BRF1: variants seen among roughly 807,000 people sequenced by gnomAD.
The protein encoded by BRF1 is transcription factor IIIB 90 kDa subunit.
BRF1 carries 59 observed loss-of-function variants against 81.7 expected under a neutral mutation model. The observed-to-expected ratio is 0.72, with a 90% CI of 0.59 to 0.90. The LOEUF is 0.90. Ranked by LOEUF, BRF1 falls within the 40% of genes least tolerant of loss-of-function variation. The probability of loss-of-function intolerance (pLI) is 0.00; values close to 1 mark genes in which losing one functional copy is unlikely to be tolerated. For synonymous variants in BRF1, 491 were observed against 395.6 expected (o/e 1.24, Z -2.86); for missense variants, 1,050 against 936.3 (o/e 1.12, Z -1.58).
chr14:105,215,170 C>T (rs1459415484), intron 15 of BRF1, among the ~76,000 whole-genome samples: 2 of 152,196 alleles, frequency 1.3e-5, no homozygotes, highest in Non-Finnish European at 2.9e-5. Flanking sequence ...TGCACACAGA[C>T]TCACAGATGC....
chr14:105,216,072 ACATG>A (rs1444730202), intron 15 of BRF1, among the ~76,000 whole-genome samples: 1 of 151,788 alleles, frequency 6.6e-6, no homozygotes, highest in Non-Finnish European at 1.5e-5. Context: ...ACACACACAC[ACATG>A]CACACAAATA....
chr14:105,242,332 A>C (rs1024314068), intron 5 of BRF1: 2 of 152,212 alleles, frequency 1.3e-5, no homozygotes, highest in African/African-American at 4.8e-5. Flanking sequence ...GGCTGCTAAA[A>C]TAGATATTAT....
chr14:105,263,492 C>T (rs1008424941), intron 3 of BRF1, among the ~76,000 whole-genome samples: 4 of 152,114 alleles, frequency 2.6e-5, no homozygotes, highest in Admixed American at 6.5e-5. Context: ...GCAAAAGAGC[C>T]GAGCAGGAAG....
At chr14:105,300,276 A>G (rs998766741) in intron 1 of BRF1, among the ~76,000 whole-genome samples, 170 bp downstream of exon 1, 3 of 151,992 alleles carry the variant, frequency 2.0e-5, no homozygotes, top group Non-Finnish European at 4.4e-5. Context: ...CGCGCGAAGA[A>G]GGTCTACATT....
At chr14:105,307,480 T>C (rs1381806685) in intron 1 of BRF1, among the ~76,000 whole-genome samples, 1 of 152,054 alleles carries the variant, frequency 6.6e-6, no homozygotes, top group Non-Finnish European at 1.5e-5. Flanking sequence ...TGGCCCTGGG[T>C]GCTTCCCCAC....
intron 1 of BRF1, among the ~76,000 whole-genome samples, chr14:105,297,888 TG>T (rs1291325098): frequency 6.6e-6 from 1 of 151,928 alleles, no homozygotes; most frequent in Non-Finnish European, 1.5e-5. Context: ...CCCAGCTACT[TG>T]GGAGGCTGAG....
At chr14:105,215,942 C>T (rs587696469) in intron 15 of BRF1, among the ~76,000 whole-genome samples, 3 of 138,102 alleles carry the variant, frequency 2.2e-5, no homozygotes, top group African/African-American at 8.1e-5. Flanking sequence ...ACACTGCATA[C>T]ACAGACACAG....
chr14:105,259,124 T>C (rs2140335528), intron 3 of BRF1, among the ~76,000 whole-genome samples: 1 of 152,108 alleles, frequency 6.6e-6, no homozygotes, highest in Non-Finnish European at 1.5e-5. Flanking sequence ...CCTATTCCAC[T>C]CCTAGGTATT....
chr14:105,266,405 C>A (rs1237952573), intron 3 of BRF1, among the ~76,000 whole-genome samples: 2 of 152,024 alleles, frequency 1.3e-5, no homozygotes, highest in East Asian at 1.9e-4. Flanking sequence ...CAGAGCAAGA[C>A]CCTGTTTCTA....
At chr14:105,308,161 C>T (rs1220261643) in intron 1 of BRF1, among the ~76,000 whole-genome samples, 1 of 151,046 alleles carries the variant, frequency 6.6e-6, no homozygotes, top group Non-Finnish European at 1.5e-5. Flanking sequence ...CCAGCCTGGA[C>T]CATAGAGTGA....
rs1227708197 is a variant in BRF1 at position 105,308,481 on chromosome 14, C to CTT, written c.-162+6839_-162+6840dup. 2.2e-3 allele frequency among the ~76,000 whole-genome samples: 268 copies of CTT among 124,572 alleles called. 7 individuals are homozygous for CTT. Among genetic ancestry groups the CTT allele is most frequent in the African/African-American group, 8.1e-3 (251 of 30,988 alleles). The allele number at this position is 124,572 out of a possible 152,430, so 81.7% of individuals were successfully genotyped here. A position where few individuals can be genotyped will look rare whatever the true frequency, so the allele number is the denominator to read the frequency against. ...TGGGCACGACAGAGGCAGATTCTGT[C>CTT]TTTTTTTTTTTTTTTTTTTGAGATG... On this transcript the variant is annotated intron_variant, in intron 1 of 17. Coordinates refer to the BRF1 transcript ENST00000327359.
intron 10 of BRF1, among the ~76,000 whole-genome samples, chr14:105,224,223 G>C (rs1350759575): frequency 1.3e-5 from 2 of 152,202 alleles, no homozygotes; most frequent in African/African-American, 4.8e-5. Context: ...ACAAAAATTA[G>C]CTGGGCGTGG....
At chr14:105,274,913 G>A (rs924249932) in intron 2 of BRF1, among the ~76,000 whole-genome samples, 2 of 152,334 alleles carry the variant, frequency 1.3e-5, no homozygotes, top group Middle Eastern at 6.8e-3. Context: ...GAGGACATGT[G>A]TGGTGGGTCA....
At chr14:105,256,361 C>T (rs1334119221) in intron 4 of BRF1, 157 bp downstream of exon 4, 8 of 1,570,780 alleles carry the variant, frequency 5.1e-6, no homozygotes, top group Non-Finnish European at 8.6e-7. Flanking sequence ...ATGAAGGCCC[C>T]TCATCCTACA....
Position 105,226,656 on chromosome 14 carries a change from T to C in BRF1, c.893A>G (p.Gln298Arg). The part of the protein sequence containing the change: ...ECDPPSYTAG[Q>R]RKLRMKQLEQ... ...TACCTGCTTCATCCGCAGCTTCCTC[T>C]GCCCAGCTGTGTACGAGGGGGGGTC... is the stretch of plus-strand genomic sequence containing the variant. The change falls in exon 8 of 18, where the codon CAG becomes CGG. Residue 298 changes from glutamine to arginine, a missense_variant. Coordinates refer to ENST00000547530, the MANE Select transcript of BRF1 (RefSeq NM_001519.4). 1 of 1,613,412 alleles carries C rather than the reference T, an allele frequency of 6.2e-7. No homozygotes were observed. Among genetic ancestry groups the C allele is most frequent in the South Asian group, 1.1e-5 (1 of 91,084 alleles).
At chr14:105,270,295 T>C (rs1177136774) in intron 3 of BRF1, among the ~76,000 whole-genome samples, 1 of 151,072 alleles carries the variant, frequency 6.6e-6, no homozygotes, top group Non-Finnish European at 1.5e-5. Flanking sequence ...TGCCTCAGCC[T>C]CCCGAGTAGC....
intron 11 of BRF1, among the ~76,000 whole-genome samples, 180 bp from the exon 12 acceptor site, chr14:105,220,310 C>T (rs1892073196): frequency 1.3e-5 from 2 of 152,212 alleles, no homozygotes; most frequent in Non-Finnish European, 2.9e-5. Context: ...CTTTAAATGC[C>T]TAGCTCAGGA....
intron 10 of BRF1, 36 bp downstream of exon 10, chr14:105,226,033 A>C: frequency 2.6e-6 from 4 of 1,561,226 alleles, no homozygotes; most frequent in Non-Finnish European, 3.5e-6. Context: ...AGCACATTTT[A>C]AAGGTCTGAA....
intron 2 of BRF1, among the ~76,000 whole-genome samples, chr14:105,274,954 G>A (rs2056820214): frequency 6.6e-6 from 1 of 152,194 alleles, no homozygotes; most frequent in Non-Finnish European, 1.5e-5. Flanking sequence ...CTGCCGCCAT[G>A]GAGATTCCAG....
Sources: gnomAD v4.1 joint callset for allele counts (sites outside exome capture counted in the v4.1 genomes callset) on GRCh38, gnomAD v4.1.1 for gene constraint, MANE v1.5 for transcripts, NCBI Gene and HGNC (gene_info 2026-07-23, HGNC 2026-07-21) for gene names.